Variants in GRM1 observed in about 807,000 individuals in gnomAD.
The protein encoded by GRM1 is glutamate metabotropic receptor 1, also known as metabotropic glutamate receptor 1.
A neutral mutation model predicts 90.9 loss-of-function variants in GRM1; 33 were observed. That is an observed-to-expected ratio of 0.36 (90% CI 0.28 to 0.49). The LOEUF (loss-of-function observed/expected upper bound fraction) is 0.49. Ranked by LOEUF, GRM1 falls within the 20% of genes least tolerant of loss-of-function variation. The pLI is 0.99. For missense variants in GRM1, 1,190 were observed against 1,534.3 expected, an observed-to-expected ratio of 0.78 and a Z score of 3.75; for synonymous variants, 700 against 613.2, an observed-to-expected ratio of 1.14 and a Z score of -2.09.
At chr6:146,416,519 A>G (rs79482812) in intron 7 of GRM1, among the ~76,000 whole-genome samples, 2,036 of 152,210 alleles carry the variant, frequency 0.013, 46 homozygotes, top group African/African-American at 0.042. Context: ...ATCTTGCATC[A>G]CTGTTGTGCT....
chr6:146,323,416 C>T lies in GRM1; in HGVS notation c.1186+18570C>T, dbSNP rs113776875. Among the ~76,000 whole-genome samples, 480 of 152,150 alleles carry T rather than the reference C, an allele frequency of 3.2e-3. 2 individuals carry two copies. Among genetic ancestry groups the T allele is most frequent in the African/African-American group, 9.8e-3 (407 of 41,496 alleles). ...TTGAGAAGTGTCTGTTCATATCCTT[C>T]GCCCACTTTTTGATGGGGTTGTTTG... On this transcript the variant is annotated intron_variant, in intron 3 of 7. Coordinates refer to ENST00000282753, the MANE Select transcript of GRM1 (RefSeq NM_001278064.2).
At chr6:146,334,522 C>A (rs1784699653) in intron 3 of GRM1, among the ~76,000 whole-genome samples, 1 of 152,130 alleles carries the variant, frequency 6.6e-6, no homozygotes, top group South Asian at 2.1e-4. Context: ...TACATTTCCT[C>A]ATACGATATT....
Position 146,029,395 on chromosome 6 carries a change from G to T in GRM1, c.-123G>T. 2 of 813,356 alleles carry T rather than the reference G, an allele frequency of 2.5e-6. No individual in the cohort carries two copies. Among genetic ancestry groups the T allele is most frequent in the Non-Finnish European group, 4.3e-6 (2 of 460,322 alleles). 50.4% of individuals were successfully genotyped at this position (813,356 alleles called of 1,614,324 possible). A position where few individuals can be genotyped will look rare whatever the true frequency, so the allele number is the denominator to read the frequency against. ...GAGGCAAAGGCCTTGGACGACCATT[G>T]TTGGCGAGGGGCACCACTCCGGGAG... On this transcript the variant is annotated 5_prime_UTR_variant, in exon 1 of 8. Coordinates refer to ENST00000282753, the MANE Select transcript of GRM1 (RefSeq NM_001278064.2).
At chr6:146,274,120 T>C (rs1050590581) in intron 2 of GRM1, among the ~76,000 whole-genome samples, 6 of 152,204 alleles carry the variant, frequency 3.9e-5, no homozygotes, top group African/African-American at 1.4e-4. Context: ...AAGATATGTA[T>C]ATGAGTGCTT....
chr6:146,204,783 C>A (rs1051817079), intron 2 of GRM1, among the ~76,000 whole-genome samples: 1 of 152,178 alleles, frequency 6.6e-6, no homozygotes, highest in Non-Finnish European at 1.5e-5. Flanking sequence ...CATGGGCAAA[C>A]ACAGCAGGGG....
chr6:146,215,829 T>A (rs560610830), intron 2 of GRM1, among the ~76,000 whole-genome samples: 4 of 151,568 alleles, frequency 2.6e-5, no homozygotes, highest in African/African-American at 9.7e-5. Flanking sequence ...CGATCTCAGC[T>A]CACTGTAAGC....
chr6:146,227,689 C>A (rs779276755), intron 2 of GRM1, among the ~76,000 whole-genome samples: 9 of 152,092 alleles, frequency 5.9e-5, no homozygotes, highest in African/African-American at 9.7e-5. Context: ...AAATAAATTG[C>A]AACTATGGCT....
At position 146,191,429 on chromosome 6, in the gene GRM1, G is replaced by A. The variant is rs927195716; in HGVS notation, c.950+31832G>A. ...GTTTCCTCTTCGGTGATTCCTCTCTGTTTAACCCTCTTACTGATTTGATTT... is the reference window on the plus strand; with the variant it reads ...GTTTCCTCTTCGGTGATTCCTCTCTATTTAACCCTCTTACTGATTTGATTT... On this transcript the variant is annotated intron_variant, in intron 2 of 7. Transcript: ENST00000282753. Among the ~76,000 whole-genome samples the A allele has an allele frequency of 2.0e-5, 3 of 152,276 alleles. No individual in the cohort carries two copies. In the South Asian group the frequency reaches 6.2e-4, roughly 32 times the overall value.
At chr6:146,148,730 A>C (rs773186066) in intron 1 of GRM1, among the ~76,000 whole-genome samples, 1 of 152,164 alleles carries the variant, frequency 6.6e-6, no homozygotes, top group Non-Finnish European at 1.5e-5. Flanking sequence ...AGATGAGAAA[A>C]ATGTATTACA....
intron 7 of GRM1, 122 bp from the exon 8 acceptor site, chr6:146,433,750 A>G (rs1437961366): frequency 4.0e-6 from 3 of 743,332 alleles, no homozygotes; most frequent in Non-Finnish European, 7.1e-6. Context: ...GTGCTGGAGC[A>G]AAGGCCTACA....
At chr6:146,171,802 G>T in intron 2 of GRM1, 2 of 280,500 alleles carry the variant, frequency 7.1e-6, no homozygotes, top group South Asian at 1.0e-4. Context: ...ATGTTCTAAT[G>T]ACTGGGGAAA....
At chr6:146,054,961 TG>T (rs1290350974) in intron 1 of GRM1, among the ~76,000 whole-genome samples, 1 of 151,438 alleles carries the variant, frequency 6.6e-6, no homozygotes, top group Non-Finnish European at 1.5e-5. Flanking sequence ...GGGTAATAAT[TG>T]GGGGTGGAGG....
At chr6:146,197,416 A>C (rs1038643241) in intron 2 of GRM1, among the ~76,000 whole-genome samples, 1 of 152,214 alleles carries the variant, frequency 6.6e-6, no homozygotes, top group Non-Finnish European at 1.5e-5. Flanking sequence ...CAGTTGACTT[A>C]TGGTCCTTGG....
At chr6:146,355,501 T>A (rs1425137152) in intron 4 of GRM1, among the ~76,000 whole-genome samples, 2 of 152,222 alleles carry the variant, frequency 1.3e-5, no homozygotes, top group East Asian at 3.9e-4. Flanking sequence ...GAGCTTTCTT[T>A]ACTTTCCCAG....
At position 146,131,624 on chromosome 6, in the gene GRM1, T is replaced by C. The variant is rs146759105; in HGVS notation, c.701-27724T>C. ...AAGAGTTTGTCCAGCAGACTAATCA[T>C]ATATTTGCTGACTGAATTGGTCAAC... On this transcript the variant is annotated intron_variant, in intron 1 of 7. Transcript: ENST00000282753. Among the ~76,000 whole-genome samples the C allele has an allele frequency of 3.1e-3, 477 of 152,248 alleles. 3 individuals carry two copies. Among genetic ancestry groups the C allele is most frequent in the African/African-American group, 0.011 (441 of 41,562 alleles).
intron 3 of GRM1, among the ~76,000 whole-genome samples, chr6:146,305,197 A>G (rs1303828872): frequency 6.6e-6 from 1 of 152,046 alleles, no homozygotes; most frequent in Admixed American, 6.6e-5. Flanking sequence ...AATACTGGTT[A>G]GATCCTCTTT....
chr6:146,416,862 G>A (rs555277183), intron 7 of GRM1, among the ~76,000 whole-genome samples: 11 of 152,140 alleles, frequency 7.2e-5, no homozygotes, highest in Middle Eastern at 3.2e-3. Context: ...ACTTTACTCT[G>A]ATTTTCAGCA....
At chr6:146,152,082 A>G (rs1223722749) in intron 1 of GRM1, among the ~76,000 whole-genome samples, 1 of 152,088 alleles carries the variant, frequency 6.6e-6, no homozygotes, top group Non-Finnish European at 1.5e-5. Context: ...TAACAGTGAT[A>G]AAGTCTGTTA....
intron 3 of GRM1, among the ~76,000 whole-genome samples, 153 bp from the exon 4 acceptor site, chr6:146,352,097 C>G (rs1177106140): frequency 6.6e-6 from 1 of 152,200 alleles, no homozygotes; most frequent in African/African-American, 2.4e-5. Flanking sequence ...GAGCTAGCCA[C>G]AAGTACAAAG....
Sources: allele counts gnomAD v4.1 joint callset (sites outside exome capture counted in the v4.1 genomes callset), GRCh38; gene constraint gnomAD v4.1.1; transcripts MANE v1.5; gene names NCBI Gene and HGNC (gene_info 2026-07-23, HGNC 2026-07-21).